Variants in DMD observed in about 807,000 individuals in gnomAD.
DMD encodes dystrophin, also known as mutant dystrophin.
A neutral mutation model predicts 330.1 loss-of-function variants in DMD; 63 were observed. That is an observed-to-expected ratio of 0.19 (90% confidence interval 0.16 to 0.24). DMD has a LOEUF of 0.24. DMD is among the 10% of genes least tolerant of loss of function. DMD has a pLI of 1.00. For missense variants in DMD, 3,344 were observed against 2,684.1 expected (o/e 1.25, Z -5.43); for synonymous variants, 1,223 against 959.8 (o/e 1.27, Z -5.07).
intron 5 of DMD, among the ~76,000 whole-genome samples, chrX:32,821,491 G>A (rs1011945160): frequency 9.1e-6 from 1 of 110,018 alleles, no homozygotes; most frequent in Non-Finnish European, 1.9e-5. Flanking sequence ...GGGAGGCTGA[G>A]GCAGGAGAAT....
intron 1 of DMD, among the ~76,000 whole-genome samples, chrX:33,135,597 A>G (rs2095522196): frequency 8.9e-6 from 1 of 111,824 alleles, no homozygotes; most frequent in African/African-American, 3.2e-5. Context: ...AGCTTCCAAA[A>G]CTATGTGTAT....
chrX:32,658,382 C>A (rs1024308057), intron 9 of DMD, among the ~76,000 whole-genome samples: 1 of 111,160 alleles, frequency 9.0e-6, no homozygotes, highest in African/African-American at 3.3e-5. Flanking sequence ...TAATAGGTAT[C>A]TTCAATTTTG....
At chrX:31,548,373 C>T (rs2074272606) in intron 55 of DMD, among the ~76,000 whole-genome samples, 1 of 110,886 alleles carries the variant, frequency 9.0e-6, no homozygotes, top group Non-Finnish European at 1.9e-5. Flanking sequence ...ACATCTTTCC[C>T]GTCTTTCCTT....
intron 44 of DMD, among the ~76,000 whole-genome samples, chrX:31,976,898 A>G (rs1244042126): frequency 2.7e-5 from 3 of 111,720 alleles, no homozygotes; most frequent in Non-Finnish European, 5.7e-5. Context: ...ACTGACTCCA[A>G]CAAATATTTA....
At chrX:32,128,294 A>T (rs1312346484) in intron 44 of DMD, among the ~76,000 whole-genome samples, 1 of 111,907 alleles carries the variant, frequency 8.9e-6, no homozygotes, top group Non-Finnish European at 1.9e-5. Context: ...GAAATATTTT[A>T]TGTAACAAAT....
intron 44 of DMD, among the ~76,000 whole-genome samples, chrX:32,119,932 TG>T (rs1263971651): frequency 8.9e-6 from 1 of 111,930 alleles, no homozygotes; most frequent in African/African-American, 3.2e-5. Flanking sequence ...TGCAATTACT[TG>T]ATTATACAGC....
intron 44 of DMD, among the ~76,000 whole-genome samples, chrX:31,987,064 T>C (rs1219276078): frequency 8.9e-6 from 1 of 112,185 alleles, no homozygotes; most frequent in African/African-American, 3.2e-5. Flanking sequence ...CATCTATCTG[T>C]TTACCATCTA....
At chrX:32,497,643 A>T (rs888247520) in intron 19 of DMD, among the ~76,000 whole-genome samples, 2 of 112,295 alleles carry the variant, frequency 1.8e-5, no homozygotes, top group Non-Finnish European at 1.9e-5. Flanking sequence ...TATCTAAACT[A>T]GGCTTTTTTG....
intron 7 of DMD, among the ~76,000 whole-genome samples, chrX:32,755,316 G>GGA (rs1556997763): frequency 1.9e-5 from 2 of 108,085 alleles, no homozygotes; most frequent in Non-Finnish European, 3.8e-5. Flanking sequence ...TTCAGACAAG[G>GGA]AAAAAAAACA....
At chrX:32,471,469 A>G (rs2040622854) in intron 22 of DMD, among the ~76,000 whole-genome samples, 1 of 111,765 alleles carries the variant, frequency 8.9e-6, no homozygotes, top group South Asian at 3.7e-4. Context: ...CCAGCCCTCC[A>G]TATTTGTGGA....
chrX:31,763,745 C>T (rs2089795879), intron 51 of DMD, among the ~76,000 whole-genome samples: 1 of 112,052 alleles, frequency 8.9e-6, no homozygotes, highest in Non-Finnish European at 1.9e-5. Flanking sequence ...AACCTTAAGT[C>T]ATTGGTATGG....
intron 60 of DMD, among the ~76,000 whole-genome samples, chrX:31,404,381 G>A (rs890189970): frequency 9.0e-6 from 1 of 111,250 alleles, no homozygotes; most frequent in Non-Finnish European, 1.9e-5. Context: ...TTGTGTGGGC[G>A]CCTGCTGCAC....
chrX:31,223,803 T>C (rs1313988911), intron 63 of DMD, among the ~76,000 whole-genome samples: 1 of 112,366 alleles, frequency 8.9e-6, no homozygotes, highest in Non-Finnish European at 1.9e-5. Flanking sequence ...ATAAACCTTT[T>C]AAATAAGCAC....
At chrX:32,832,099 A>G (rs759143173) in intron 4 of DMD, among the ~76,000 whole-genome samples, 2 of 111,313 alleles carry the variant, frequency 1.8e-5, no homozygotes, top group African/African-American at 3.3e-5. Flanking sequence ...TTGTCCTAAG[A>G]AGGAGTCACT....
At chrX:32,618,080 T>C (rs1057050556) in intron 11 of DMD, among the ~76,000 whole-genome samples, 3 of 112,157 alleles carry the variant, frequency 2.7e-5, no homozygotes, top group Non-Finnish European at 5.7e-5. Flanking sequence ...GTGTAAATTA[T>C]TTCAACTATT....
At chrX:31,468,051 T>C (rs924471977) in intron 59 of DMD, among the ~76,000 whole-genome samples, 1 of 111,891 alleles carries the variant, frequency 8.9e-6, no homozygotes. Context: ...CTGATTCTTC[T>C]CTCTTTTCTT....
At chrX:32,116,183 G>C (rs1424100158) in intron 44 of DMD, among the ~76,000 whole-genome samples, 1 of 111,022 alleles carries the variant, frequency 9.0e-6, no homozygotes, top group Admixed American at 9.6e-5. Flanking sequence ...CAGTGCCCTT[G>C]CCCTTGTTTC....
At chrX:32,197,944 A>G (rs977806879) in intron 44 of DMD, among the ~76,000 whole-genome samples, 2 of 111,520 alleles carry the variant, frequency 1.8e-5, no homozygotes, top group African/African-American at 6.5e-5. Flanking sequence ...TCTCCTATCT[A>G]ACTGAAATTT....
chrX:32,533,301 C>A (rs1401190994), intron 17 of DMD, among the ~76,000 whole-genome samples: 2 of 111,732 alleles, frequency 1.8e-5, no homozygotes, highest in African/African-American at 3.3e-5. Flanking sequence ...TTATTATGAA[C>A]TCAACCTACC....
Sources: allele counts gnomAD v4.1 joint callset (sites outside exome capture counted in the v4.1 genomes callset), GRCh38; gene constraint gnomAD v4.1.1; transcripts MANE v1.5; gene names NCBI Gene and HGNC (gene_info 2026-07-23, HGNC 2026-07-21).